Variants in UBTF observed in about 807,000 individuals in gnomAD.
UBTF encodes upstream binding transcription factor, also known as nucleolar transcription factor 1.
UBTF carries 8 observed loss-of-function variants against 112.3 expected under a neutral mutation model. The ratio of observed to expected loss-of-function variants is 0.07; its 90% confidence interval spans 0.04 to 0.13. The LOEUF is 0.13. UBTF is among the 10% of genes least tolerant of loss of function. The pLI, the probability that UBTF is intolerant of heterozygous loss-of-function variation, is 1.00. For synonymous variants in UBTF, 417 were observed against 373.1 expected (o/e 1.12, Z -1.36); for missense variants, 457 against 982.1 (o/e 0.47, Z 7.15).
upstream of UBTF, among the ~76,000 whole-genome samples, chr17:44,220,468 C>T (rs1044252377): frequency 6.6e-6 from 1 of 151,932 alleles, no homozygotes; most frequent in African/African-American, 2.4e-5. Flanking sequence ...GTGCCTACCT[C>T]GCGGTCCTCT....
At chr17:44,212,045 TG>T (rs760680839) in intron 8 of UBTF, 39 bp from the exon 9 acceptor site, 1 of 1,493,736 alleles carries the variant, frequency 6.7e-7, no homozygotes. Flanking sequence ...CAATGGGGTG[TG>T]GAGTTAGCTA....
At chr17:44,213,084 T>C (rs1189612572) in intron 6 of UBTF, 134 bp downstream of exon 6, 24 of 1,533,810 alleles carry the variant, frequency 1.6e-5, no homozygotes, top group Non-Finnish European at 1.9e-5. Flanking sequence ...TCCCTGAGCA[T>C]GACACACTAG....
Position 44,218,157 on chromosome 17 carries a change from G to A in UBTF, c.58+15C>T. 1 of 1,611,842 alleles carries A rather than the reference G, an allele frequency of 6.2e-7. No homozygotes were observed. Among genetic ancestry groups the A allele is most frequent in the Non-Finnish European group, 8.5e-7 (1 of 1,178,806 alleles). On this transcript the variant is annotated intron_variant, in intron 2 of 20. Coordinates refer to ENST00000436088, the MANE Select transcript of UBTF (RefSeq NM_014233.4). Reference sequence around the variant, plus strand: ...AGGGTTTAAGTTTCAGAGGGCCGGGGGTGGATGCCCCTACCTTGGCCTTTG... The same window carrying A: ...AGGGTTTAAGTTTCAGAGGGCCGGGAGTGGATGCCCCTACCTTGGCCTTTG...
Position 44,211,323 on chromosome 17 carries a change from T to C in UBTF, c.1056A>G (p.Lys352=), listed in dbSNP as rs2056663564. The C allele has an allele frequency of 5.0e-6, 8 of 1,614,122 alleles. No individual in the cohort carries two copies. Among genetic ancestry groups the C allele is most frequent in the Non-Finnish European group, 6.8e-6 (8 of 1,180,016 alleles). Residue 352 remains lysine (K), a synonymous_variant, in exon 11 of 21, where the codon AAA becomes AAG. Coordinates refer to ENST00000436088, the MANE Select transcript of UBTF (RefSeq NM_014233.4). This position sits in a 1 kb window ranked among gnomAD's most constrained non-coding sequence, Gnocchi z 4.9. ...AYHKKCDQKK[K]DYEVELLRFL... is the part of the protein sequence containing the mutation. ...AACGGAGCAGCTCCACCTCGTAATC[T>C]TTCTTTTTCTGGGAAAGTGAGTGGA...
chr17:44,216,124 G>A (rs1479830166), intron 3 of UBTF, 135 bp from the exon 4 acceptor site: 5 of 732,150 alleles, frequency 6.8e-6, no homozygotes, highest in Non-Finnish European at 1.1e-5. Flanking sequence ...GAGGCCAACA[G>A]CCAAATGAAG....
rs2056576571 is a variant in UBTF, at chr17:44,210,404, CCTCGCGCTCCCCGCCGGG to C, written c.1411_1428del (p.Pro471_Glu476del). Reference sequence around the variant, plus strand: ...GGGGACTCGGGCAGCTTGCCCCGTTCCTCGCGCTCCCCGCCGGGCTTCCTCTCCGACTGAGCCTTGAGC... The same window carrying C: ...GGGGACTCGGGCAGCTTGCCCCGTTCCTTCCTCTCCGACTGAGCCTTGAGC... On this transcript the variant is annotated inframe_deletion, in exon 14 of 21. Coordinates refer to ENST00000436088, the MANE Select transcript of UBTF (RefSeq NM_014233.4). 6.2e-7 allele frequency: 1 copy of C among 1,614,056 alleles called. No individual in the cohort carries two copies. The highest frequency in any genetic ancestry group is 1.1e-5 in the South Asian group (1 of 91,088).
chr17:44,209,372 G>A lies in UBTF; in HGVS notation c.1885C>T (p.His629Tyr), dbSNP rs1391306411. The change falls in exon 17 of 21, where the codon CAC becomes TAC. Residue 629 changes from histidine (H) to tyrosine (Y), a missense_variant. By Grantham distance (83) the His-to-Tyr change is moderately conservative (BLOSUM62 2). This residue lies in a region of UBTF where 77 missense variants were observed against 211.9 expected (regional missense o/e 0.36). Coordinates refer to ENST00000436088, the MANE Select transcript of UBTF (RefSeq NM_014233.4). ...CTCACCTTAACCCAGAGGTCCAGGT[G>A]CACCTTGTACTGCTTTTGCTGCTCC... ...AEEQQKQYKV[H>Y]LDLWVKSLSP... 6.2e-7 allele frequency: 1 copy of A among 1,608,984 alleles called. No individual in the cohort carries two copies. Among genetic ancestry groups the A allele is most frequent in the Admixed American group, 1.7e-5 (1 of 59,736 alleles).
At chr17:44,209,221 G>T in intron 17 of UBTF, 131 bp downstream of exon 17, 1 of 918,234 alleles carries the variant, frequency 1.1e-6, no homozygotes, top group Non-Finnish European at 1.6e-6. Flanking sequence ...TTATCCTGAA[G>T]GATTGCGAGG....
Position 44,211,717 on chromosome 17 carries a change from G to A in UBTF, c.936C>T (p.Leu312=), listed in dbSNP as rs775252628. ...PNSYSLYCAE[L]MANMKDVPST... ...TGGGCACGTCCTTCATGTTGGCCAT[G>A]AGCTCTGCGCAGTACAGCGAGTAGC... Residue 312 remains leucine (L), a synonymous_variant, in exon 10 of 21, where the codon CTC becomes CTT. Transcript: ENST00000436088. This position sits in a 1 kb window ranked among gnomAD's most constrained non-coding sequence, Gnocchi z 4.9. The A allele has an allele frequency of 1.2e-6, 2 of 1,608,662 alleles. No individual in the cohort carries two copies. Among genetic ancestry groups the A allele is most frequent in the Non-Finnish European group, 1.7e-6 (2 of 1,179,982 alleles).
intron 2 of UBTF, among the ~76,000 whole-genome samples, chr17:44,217,416 A>G (rs908386138): frequency 2.6e-5 from 4 of 152,210 alleles, no homozygotes; most frequent in African/African-American, 4.8e-5. Context: ...TGTCAGCCCA[A>G]CTACCCAGGG....
chr17:44,212,058 G>C, intron 8 of UBTF, 52 bp from the exon 9 acceptor site: 1 of 1,581,550 alleles, frequency 6.3e-7, no homozygotes, highest in Non-Finnish European at 8.6e-7. Flanking sequence ...AGTTAGCTAG[G>C]GCAGGGGCAG....
At chr17:44,213,348 A>G in intron 5 of UBTF, 66 bp from the exon 6 acceptor site, 1 of 1,528,246 alleles carries the variant, frequency 6.5e-7, no homozygotes, top group Non-Finnish European at 8.9e-7. Context: ...TATGAAGGCC[A>G]CCCAGACCCC....
chr17:44,214,300 T>C (rs1053468119), intron 5 of UBTF, among the ~76,000 whole-genome samples: 58 of 152,222 alleles, frequency 3.8e-4, no homozygotes, highest in Non-Finnish European at 8.8e-5. Flanking sequence ...ATCTCAGTCC[T>C]CCTCAGACAA....
rs2056651510 is a variant in UBTF at position 44,211,177 on chromosome 17, G to GCTGCATGCCTGGCACCCAGA, written c.1090-45_1090-26dup. On this transcript the variant is annotated intron_variant, in intron 11 of 20. Coordinates refer to ENST00000436088, the MANE Select transcript of UBTF (RefSeq NM_014233.4). This position sits in a 1 kb window ranked among gnomAD's most constrained non-coding sequence, Gnocchi z 4.9. ...TCTGGACAGGAAAGAGGAGCACGGG[G>GCTGCATGCCTGGCACCCAGA]CTGCATGCCTGGCACCCAGACTGCA... 5 of 1,612,748 alleles carry GCTGCATGCCTGGCACCCAGA rather than the reference G, an allele frequency of 3.1e-6. No homozygotes were observed. The highest frequency in any genetic ancestry group is 1.3e-5 in the African/African-American group (1 of 74,952).
In UBTF at chr17:44,207,897, C is replaced by G. The variant is rs370509178; in HGVS notation, c.1920G>C (p.Gln640His). The G allele has an allele frequency of 1.9e-6, 3 of 1,613,930 alleles. No individual in the cohort carries two copies. Among genetic ancestry groups the G allele is most frequent in the Non-Finnish European group, 2.5e-6 (3 of 1,180,008 alleles). Residue 640 changes from glutamine (Q) to histidine (H), a missense_variant, in exon 18 of 21, where the codon CAG (glutamine) becomes CAC (histidine). By Grantham distance (24) the Gln-to-His change is conservative (BLOSUM62 0). Around this residue, in one of 7 missense-constraint regions of UBTF, gnomAD observed 77 missense variants for 211.9 expected, o/e 0.36. Transcript: ENST00000436088. ...TGTACTCTTTATATGCTGCACGGTC[C>G]TGGGGAGACAGGCTCTGGGGGAGAC... ...LDLWVKSLSP[Q>H]DRAAYKEYIS... is the part of the protein sequence containing the mutation.
In UBTF at chr17:44,207,337, C is replaced by T. The variant is rs2056309575; in HGVS notation, c.2200G>A (p.Asp734Asn). 8.1e-6 allele frequency: 13 copies of T among 1,612,436 alleles called. No individual in the cohort carries two copies. Among genetic ancestry groups the T allele is most frequent in the African/African-American group, 1.3e-5 (1 of 74,946 alleles). The change falls in exon 21 of 21, where the codon GAC becomes AAC. Residue 734 changes from aspartate (D) to asparagine (N), a missense_variant. Physicochemically the swap from Asp to Asn is conservative, Grantham distance 23 (BLOSUM62 1). Coordinates refer to ENST00000436088, the MANE Select transcript of UBTF (RefSeq NM_014233.4). ...NEEDDEDEDD[D>N]EDDDEDEDNE... ...TCTTCATCCTCATCGTCATCCTCGT[C>T]GTCGTCTTCGTCCTCGTCATCCTCT...
At chr17:44,220,773 C>G (rs1206625785), upstream of UBTF, 1 of 152,030 alleles carries the variant, frequency 6.6e-6, no homozygotes, top group Non-Finnish European at 1.5e-5. Flanking sequence ...GCCGGGGGCA[C>G]CTGGGAGCAC....
At chr17:44,215,004 C>G (rs988503168) in intron 5 of UBTF, among the ~76,000 whole-genome samples, 2 of 152,234 alleles carry the variant, frequency 1.3e-5, no homozygotes, top group Non-Finnish European at 2.9e-5. Flanking sequence ...AACCCTCCAC[C>G]CAGAGTTAAT....
rs766314152 is a variant in UBTF, at chr17:44,207,685, G to A, written c.2025+14C>T. ...CCCCGCCCCACGCCCCTGCATCTGG[G>A]AGGGGCTCCTTACCGACTTGGACTG... On this transcript the variant is annotated intron_variant, in intron 19 of 20. Transcript: ENST00000436088. 6.2e-7 allele frequency: 1 copy of A among 1,614,122 alleles called. No individual in the cohort carries two copies. Among genetic ancestry groups the A allele is most frequent in the East Asian group, 2.2e-5 (1 of 44,886 alleles).
Sources: gnomAD v4.1 joint callset for allele counts (sites outside exome capture counted in the v4.1 genomes callset) on GRCh38, gnomAD v4.1.1 for gene constraint, gnomAD v4.1.1 regional missense constraint, Gnocchi (gnomAD v3.1) non-coding constraint, MANE v1.5 for transcripts, NCBI Gene and HGNC (gene_info 2026-07-23, HGNC 2026-07-21) for gene names.